Variants in CLDN16 observed in about 807,000 individuals in gnomAD.
CLDN16 encodes the protein claudin-16.
CLDN16 carries 13 observed loss-of-function variants against 24.6 expected under a neutral mutation model. The ratio of observed to expected loss-of-function variants is 0.53; its 90% CI spans 0.34 to 0.84. The LOEUF (loss-of-function observed/expected upper bound fraction) is 0.84, where lower values mean the gene tolerates loss of function less well. CLDN16 is among the 40% of genes least tolerant of loss of function. The pLI, the probability that CLDN16 is intolerant of heterozygous loss-of-function variation, is 0.01. For synonymous variants in CLDN16, 116 were observed against 106.7 expected, an observed-to-expected ratio of 1.09 and a Z score of -0.54; for missense variants, 298 against 292.7, an observed-to-expected ratio of 1.02 and a Z score of -0.13.
chr3:190,393,912 G>C (rs529617316), intron 1 of CLDN16, among the ~76,000 whole-genome samples: 7 of 151,622 alleles, frequency 4.6e-5, no homozygotes, highest in Non-Finnish European at 7.4e-5. Context: ...CACCACACCC[G>C]GCTAATTTTT....
At chr3:190,378,682 T>A (rs141243885) in intron 3 of CLDN16, among the ~76,000 whole-genome samples, 3 of 152,140 alleles carry the variant, frequency 2.0e-5, no homozygotes, top group Non-Finnish European at 4.4e-5. Flanking sequence ...TGGAAACTTG[T>A]TCCTGAATAA....
the CLDN16 span, among the ~76,000 whole-genome samples, chr3:190,301,620 C>T: frequency 2.0e-3 from 306 of 152,298 alleles, 2 homozygotes; most frequent in African/African-American, 7.2e-3. Flanking sequence ...CTGCTCCATC[C>T]TATGAATTTC....
intron 1 of CLDN16, among the ~76,000 whole-genome samples, chr3:190,342,219 T>C (rs1717453408): frequency 6.6e-6 from 1 of 152,210 alleles, no homozygotes; most frequent in African/African-American, 2.4e-5. Flanking sequence ...ATTAGTTCAT[T>C]TTCATGCTGC....
chr3:190,379,951 G>T (rs1381066684), intron 3 of CLDN16, among the ~76,000 whole-genome samples: 1 of 141,746 alleles, frequency 7.1e-6, no homozygotes, highest in Non-Finnish European at 1.5e-5. Context: ...GACCTAGATT[G>T]ATCTATCTAT....
At chr3:190,404,741 C>T (rs988618929) in intron 2 of CLDN16, 21 bp from the exon 3 acceptor site, 3 of 1,613,360 alleles carry the variant, frequency 1.9e-6, no homozygotes, top group Middle Eastern at 1.6e-4. Flanking sequence ...TCTGCTTTAA[C>T]CATATGCCCT....
At chr3:190,340,697 A>G (rs1263919381) in intron 1 of CLDN16, among the ~76,000 whole-genome samples, 1 of 152,096 alleles carries the variant, frequency 6.6e-6, no homozygotes, top group Non-Finnish European at 1.5e-5. Flanking sequence ...ACAGTCCCCC[A>G]ACATCTTAAC....
chr3:190,343,055 A>G (rs906225103), intron 1 of CLDN16, among the ~76,000 whole-genome samples: 8 of 152,198 alleles, frequency 5.3e-5, no homozygotes, highest in African/African-American at 1.9e-4. Flanking sequence ...TTTGCAAATC[A>G]TGTATCAGAG....
chr3:190,337,359 A>G (rs2108627081), intron 1 of CLDN16, among the ~76,000 whole-genome samples: 1 of 152,342 alleles, frequency 6.6e-6, no homozygotes, highest in East Asian at 1.9e-4. Flanking sequence ...ATGGGCAGAA[A>G]CTAAGAAGAA....
the CLDN16 span, among the ~76,000 whole-genome samples, chr3:190,290,460 CT>C: frequency 6.6e-6 from 1 of 152,120 alleles, no homozygotes; most frequent in Non-Finnish European, 1.5e-5. Context: ...ATCATTTGAC[CT>C]TCAGGATCTC....
chr3:190,319,632 T>C (rs1284930353), upstream of CLDN16, among the ~76,000 whole-genome samples: 1 of 152,134 alleles, frequency 6.6e-6, no homozygotes, highest in Non-Finnish European at 1.5e-5. Context: ...ACAAGTGTGC[T>C]CTACTGGGAA....
chr3:190,387,711 C>T (rs1718539917), upstream of CLDN16, among the ~76,000 whole-genome samples: 1 of 152,190 alleles, frequency 6.6e-6, no homozygotes. Flanking sequence ...CCAGGTGCTA[C>T]AAGTCCTTCA....
At chr3:190,306,272 C>G in the CLDN16 span, 1 of 152,186 alleles carries the variant, frequency 6.6e-6, no homozygotes, top group South Asian at 2.1e-4. Flanking sequence ...AAGCATCGGG[C>G]CATACTCACT....
At chr3:190,354,314 T>C (rs1717724446) in intron 1 of CLDN16, among the ~76,000 whole-genome samples, 3 of 152,056 alleles carry the variant, frequency 2.0e-5, no homozygotes, top group Admixed American at 2.0e-4. Context: ...TTAATAAAGG[T>C]GTGATAGGTA....
intron 1 of CLDN16, among the ~76,000 whole-genome samples, chr3:190,331,607 C>G (rs189012120): frequency 1.3e-5 from 2 of 152,148 alleles, no homozygotes; most frequent in Non-Finnish European, 2.9e-5. Flanking sequence ...TGCCACCTCA[C>G]GTACTTATGT....
intron 1 of CLDN16, among the ~76,000 whole-genome samples, chr3:190,324,487 A>G (rs1246230328): frequency 7.0e-6 from 1 of 142,788 alleles, no homozygotes; most frequent in African/African-American, 2.4e-5. Context: ...CATCTCAACA[A>G]ATAAATAAAT....
chr3:190,349,421 G>A (rs1414078277), intron 1 of CLDN16, among the ~76,000 whole-genome samples: 1 of 152,174 alleles, frequency 6.6e-6, no homozygotes, highest in Non-Finnish European at 1.5e-5. Flanking sequence ...TGCAGCCTGA[G>A]GAACTGTCAG....
chr3:190,310,512 A>G, the CLDN16 span, among the ~76,000 whole-genome samples: 2 of 152,160 alleles, frequency 1.3e-5, no homozygotes, highest in African/African-American at 4.8e-5. Context: ...TCTTTTTTGG[A>G]AACAATTAGG....
At chr3:190,404,632 T>C (rs1719043209) in intron 2 of CLDN16, 130 bp from the exon 3 acceptor site, 1 of 855,460 alleles carries the variant, frequency 1.2e-6, no homozygotes, top group Admixed American at 1.9e-5. Flanking sequence ...TTCAAGTTCA[T>C]ACAAAGTCTG....
chr3:190,408,205 T>C, intron 3 of CLDN16, 109 bp from the exon 4 acceptor site: 1 of 1,092,562 alleles, frequency 9.2e-7, no homozygotes, highest in Admixed American at 1.7e-5. Flanking sequence ...CATGTTACTG[T>C]TTTTACCTCT....
Sources: gnomAD v4.1 joint callset for allele counts (sites outside exome capture counted in the v4.1 genomes callset) on GRCh38, gnomAD v4.1.1 for gene constraint, MANE v1.5 for transcripts, NCBI Gene and HGNC (gene_info 2026-07-23, HGNC 2026-07-21) for gene names.